ZNF804B: variants seen among roughly 807,000 people sequenced by gnomAD.
ZNF804B encodes the protein zinc finger 804B.
Under a neutral mutation model 101.4 loss-of-function variants are expected in ZNF804B, and 80 were observed. That is an observed-to-expected ratio of 0.79 (90% CI 0.66 to 0.95). The LOEUF (loss-of-function observed/expected upper bound fraction) is 0.95. ZNF804B is among the 40% of genes least tolerant of loss of function. The pLI is 0.00. For missense variants in ZNF804B, 1,673 were observed against 1,561.9 expected (o/e 1.07, Z -1.20); for synonymous variants, 622 against 558.8 (o/e 1.11, Z -1.59).
At chr7:89,060,799 G>A (rs1195796337) in intron 1 of ZNF804B, among the ~76,000 whole-genome samples, 4 of 152,092 alleles carry the variant, frequency 2.6e-5, no homozygotes, top group Non-Finnish European at 4.4e-5. Flanking sequence ...TGTTGACTTC[G>A]TGTGTAAGCA....
intron 2 of ZNF804B, among the ~76,000 whole-genome samples, chr7:89,285,550 AAG>A (rs1790182140): frequency 1.1e-5 from 1 of 92,534 alleles, no homozygotes; most frequent in Non-Finnish European, 2.2e-5. Context: ...AAAAAAAAAG[AAG>A]AAGAAGAAGA....
chr7:89,225,762 G>A (rs1164797215), intron 2 of ZNF804B, among the ~76,000 whole-genome samples: 2 of 152,092 alleles, frequency 1.3e-5, no homozygotes, highest in African/African-American at 4.8e-5. Context: ...TATTATTGTT[G>A]ACAAGGTGTG....
chr7:88,840,136 A>G (rs1453186656), intron 1 of ZNF804B, among the ~76,000 whole-genome samples: 5 of 152,136 alleles, frequency 3.3e-5, no homozygotes, highest in Admixed American at 2.6e-4. Flanking sequence ...GTTCCCACTG[A>G]CCAGAACAAA....
At chr7:89,262,722 C>A in intron 2 of ZNF804B, among the ~76,000 whole-genome samples, 1 of 151,918 alleles carries the variant, frequency 6.6e-6, no homozygotes, top group Non-Finnish European at 1.5e-5. Flanking sequence ...CTTTTTTAGT[C>A]TATATAATTA....
At chr7:88,824,601 A>G (rs934280004) in intron 1 of ZNF804B, among the ~76,000 whole-genome samples, 9 of 152,152 alleles carry the variant, frequency 5.9e-5, no homozygotes, top group African/African-American at 2.2e-4. Flanking sequence ...CTTCAAATCA[A>G]TGTTGTTTAA....
In ZNF804B at chr7:89,053,381, G is replaced by T. The variant is rs192787642; in HGVS notation, c.109-164774G>T. 9.6e-4 allele frequency among the ~76,000 whole-genome samples: 146 copies of T among 152,066 alleles called. 2 individuals carry two copies. The East Asian group carries it at 0.027, about 28-fold the overall frequency. ...GCTTTCATTTCTGCATTTGACTCCA[G>T]TATCTAGAAAATCATACATAATGGC... On this transcript the variant is annotated intron_variant, in intron 1 of 3. Transcript: ENST00000333190.
intron 1 of ZNF804B, among the ~76,000 whole-genome samples, chr7:88,861,168 C>T (rs1270897867): frequency 1.3e-5 from 2 of 152,096 alleles, no homozygotes; most frequent in African/African-American, 4.8e-5. Flanking sequence ...CGGTCCTTGT[C>T]GTTATGAGGA....
chr7:88,814,525 C>A (rs1790845704), intron 1 of ZNF804B, among the ~76,000 whole-genome samples: 1 of 151,434 alleles, frequency 6.6e-6, no homozygotes, highest in Admixed American at 6.6e-5. Flanking sequence ...TTTTTCTACT[C>A]ATATACTCAT....
At chr7:89,067,362 G>T (rs934415178) in intron 1 of ZNF804B, among the ~76,000 whole-genome samples, 4 of 152,108 alleles carry the variant, frequency 2.6e-5, no homozygotes, top group African/African-American at 9.7e-5. Flanking sequence ...GCCCATCCAG[G>T]ATAATCTCCT....
In ZNF804B at chr7:88,883,552, T is replaced by G. The variant is rs551595149; in HGVS notation, c.108+123468T>G. Among the ~76,000 whole-genome samples, 4 of 152,228 alleles carry G rather than the reference T, an allele frequency of 2.6e-5. No individual in the cohort carries two copies. In the South Asian group the frequency reaches 8.3e-4, roughly 32 times the overall value. On this transcript the variant is annotated intron_variant, in intron 1 of 3. Transcript: ENST00000333190. Reference sequence around the variant, plus strand: ...CTAGCTTAAGTGGAGGTGACCACTATGGTGGCATTGAAAGTCAACAAAATG... The same window carrying G: ...CTAGCTTAAGTGGAGGTGACCACTAGGGTGGCATTGAAAGTCAACAAAATG...
chr7:88,988,113 T>G (rs1466767315), intron 1 of ZNF804B, among the ~76,000 whole-genome samples: 1 of 151,914 alleles, frequency 6.6e-6, no homozygotes, highest in Non-Finnish European at 1.5e-5. Flanking sequence ...TTTAACATAA[T>G]GTCCTCCAGT....
At chr7:88,833,043 T>A (rs1252592642) in intron 1 of ZNF804B, among the ~76,000 whole-genome samples, 1 of 151,984 alleles carries the variant, frequency 6.6e-6, no homozygotes, top group Non-Finnish European at 1.5e-5. Flanking sequence ...ATCTGATTGT[T>A]TTTATTGAAT....
Position 88,947,068 on chromosome 7 carries a change from G to A in ZNF804B, c.108+186984G>A, listed in dbSNP as rs1285369093. On this transcript the variant is annotated intron_variant, in intron 1 of 3. Transcript: ENST00000333190. The stretch of plus-strand genomic sequence containing the variant: ...AGGAATGCTTTTACACTTTTTTTGG[G>A]AGTGTAAATTAGTTAAACCATTGTG... Among the ~76,000 whole-genome samples, 3 of 151,912 alleles carry A rather than the reference G, an allele frequency of 2.0e-5. No homozygotes were observed. The East Asian group carries it at 5.9e-4, about 30-fold the overall frequency.
chr7:89,161,686 G>T (rs1165434450), intron 1 of ZNF804B, among the ~76,000 whole-genome samples: 2 of 111,264 alleles, frequency 1.8e-5, no homozygotes, highest in Non-Finnish European at 4.3e-5. Flanking sequence ...CACCACACCT[G>T]GCCTTAATAG....
chr7:89,139,383 A>T (rs1156920988), intron 1 of ZNF804B, among the ~76,000 whole-genome samples: 1 of 152,068 alleles, frequency 6.6e-6, no homozygotes, highest in South Asian at 2.1e-4. Context: ...AAATAAAACA[A>T]TGATGATCTT....
chr7:88,780,538 C>T (rs1028837779), intron 1 of ZNF804B, among the ~76,000 whole-genome samples: 2 of 151,602 alleles, frequency 1.3e-5, no homozygotes, highest in Non-Finnish European at 2.9e-5. Context: ...TACAGGTGCA[C>T]CACTATGCCT....
At chr7:89,031,915 G>C (rs545273971) in intron 1 of ZNF804B, among the ~76,000 whole-genome samples, 1 of 151,836 alleles carries the variant, frequency 6.6e-6, no homozygotes, top group Non-Finnish European at 1.5e-5. Context: ...ATTGTTTAGC[G>C]TAGCTAGATT....
At chr7:88,825,905 G>A (rs1156900713) in intron 1 of ZNF804B, among the ~76,000 whole-genome samples, 1 of 152,036 alleles carries the variant, frequency 6.6e-6, no homozygotes, top group Non-Finnish European at 1.5e-5. Context: ...CTCTAAGATG[G>A]TGAAATATAG....
chr7:88,974,465 C>T (rs1274699270), intron 1 of ZNF804B, among the ~76,000 whole-genome samples: 1 of 151,032 alleles, frequency 6.6e-6, no homozygotes. Context: ...TACTTTAAAA[C>T]ATCATGTGGT....
Sources: gnomAD v4.1 joint callset for allele counts (sites outside exome capture counted in the v4.1 genomes callset) on GRCh38, gnomAD v4.1.1 for gene constraint, MANE v1.5 for transcripts, NCBI Gene and HGNC (gene_info 2026-07-23, HGNC 2026-07-21) for gene names.